The following TRMT6 variants were observed in gnomAD, a reference collection of about 807,000 sequenced individuals.
The protein encoded by TRMT6 is tRNA methyltransferase 6 non-catalytic subunit.
In TRMT6, 34 loss-of-function variants were observed where a neutral mutation model predicts 59.0. The ratio of observed to expected loss-of-function variants is 0.58; its 90% CI spans 0.44 to 0.77. The LOEUF is 0.77. TRMT6 is among the 30% of genes least tolerant of loss of function. The pLI is 0.00. For missense variants in TRMT6, 575 were observed against 604.5 expected (o/e 0.95, Z 0.51); for synonymous variants, 217 against 210.5 (o/e 1.03, Z -0.27).
intron 8 of TRMT6, 68 bp from the exon 9 acceptor site, chr20:5,941,413 A>G (rs2088654968): frequency 9.2e-7 from 1 of 1,088,410 alleles, no homozygotes; most frequent in Non-Finnish European, 1.4e-6. Flanking sequence ...TTTAAAATGC[A>G]TTTAAAATGA....
chr20:5,944,582 T>C (rs2088688691), intron 3 of TRMT6, among the ~76,000 whole-genome samples: 1 of 152,244 alleles, frequency 6.6e-6, no homozygotes, highest in Non-Finnish European at 1.5e-5. Flanking sequence ...GCACTGTTAT[T>C]ACATTCTCTA....
rs1373733398 is a variant in TRMT6 at position 5,941,983 on chromosome 20, A to G, written c.1080T>C (p.Ala360=). ...QEEQRKRHLE[A]AALLSERNAD... ...CGTTTCTTTCACTCAGCAGAGCGGC[A>G]GCCTCTAAATGTCTTTTCCTCTGCT... Residue 360 remains alanine (A), a synonymous_variant, in exon 8 of 11, where the codon GCT becomes GCC. Coordinates refer to ENST00000203001, the MANE Select transcript of TRMT6 (RefSeq NM_015939.5). The G allele has an allele frequency of 1.2e-6, 2 of 1,613,430 alleles. No homozygotes were observed. Among genetic ancestry groups the G allele is most frequent in the Non-Finnish European group, 1.7e-6 (2 of 1,180,038 alleles).
intron 10 of TRMT6, among the ~76,000 whole-genome samples, chr20:5,940,454 C>T (rs1600222106): frequency 6.6e-6 from 1 of 152,200 alleles, no homozygotes. Flanking sequence ...GAAATAAGAA[C>T]CATAATGGTT....
chr20:5,941,943 C>G lies in TRMT6; in HGVS notation c.1112+8G>C. 6.2e-7 allele frequency: 1 copy of G among 1,610,896 alleles called. No homozygotes were observed. The highest frequency in any genetic ancestry group is 1.1e-5 in the South Asian group (1 of 91,036). On this transcript the variant is annotated splice_region_variant and intron_variant, in intron 8 of 10. Coordinates refer to ENST00000203001, the MANE Select transcript of TRMT6 (RefSeq NM_015939.5). ...TGAGGAGTCTCCTGCCTTCTTCCAT[C>G]AACGCACCCATCTGCGTTTCTTTCA...
intron 4 of TRMT6, 21 bp from the exon 5 acceptor site, chr20:5,944,052 A>G: frequency 6.5e-7 from 1 of 1,533,480 alleles, no homozygotes; most frequent in Non-Finnish European, 8.8e-7. Context: ...AAAAAACAGA[A>G]CGCTGATTTA....
At chr20:5,946,678 G>C (rs1258279052) in intron 1 of TRMT6, 145 bp from the exon 2 acceptor site, 6 of 740,118 alleles carry the variant, frequency 8.1e-6, no homozygotes, top group Middle Eastern at 3.6e-4. Context: ...AAAGGAACTA[G>C]AGAGAACCTG....
intron 6 of TRMT6, 92 bp from the exon 7 acceptor site, chr20:5,942,878 G>A (rs1408350938): frequency 2.1e-6 from 2 of 960,636 alleles, no homozygotes; most frequent in East Asian, 2.4e-5. Flanking sequence ...GAGACTGAAG[G>A]TCTTTCTATT....
chr20:5,940,844 A>G (rs2122599008), intron 10 of TRMT6, among the ~76,000 whole-genome samples: 1 of 151,958 alleles, frequency 6.6e-6, no homozygotes, highest in South Asian at 2.1e-4. Context: ...TTTTTTTTGT[A>G]GAGACAGGGT....
At chr20:5,941,848 G>T (rs1215863661) in intron 8 of TRMT6, 103 bp downstream of exon 8, 1 of 989,832 alleles carries the variant, frequency 1.0e-6, no homozygotes. Flanking sequence ...CTCATCTCGG[G>T]TCCCACTAGA....
chr20:5,942,155 G>A lies in TRMT6; in HGVS notation c.1027-119C>T, dbSNP rs546592158. The A allele has an allele frequency of 8.4e-6, 8 of 947,798 alleles. No individual in the cohort carries two copies. The South Asian group carries it at 1.0e-4, about 12-fold the overall frequency. 58.7% of individuals were successfully genotyped at this position (947,798 alleles called of 1,614,324 possible). ...ATCAACTTGGACTAAACCAATAGAAGCAGGTTGTTTATAAGGAAGTTGCAA... is the reference window on the plus strand; with the variant it reads ...ATCAACTTGGACTAAACCAATAGAAACAGGTTGTTTATAAGGAAGTTGCAA... On this transcript the variant is annotated intron_variant, in intron 7 of 10. Coordinates refer to ENST00000203001, the MANE Select transcript of TRMT6 (RefSeq NM_015939.5).
At chr20:5,941,890 A>G in intron 8 of TRMT6, 61 bp downstream of exon 8, 1 of 1,358,946 alleles carries the variant, frequency 7.4e-7, no homozygotes, top group Non-Finnish European at 1.0e-6. Flanking sequence ...GAGAATGCCA[A>G]TCTGTCTGAA....
At position 5,943,592 on chromosome 20, in the gene TRMT6, A is replaced by C. The variant is rs1254178118; in HGVS notation, c.634T>G (p.Leu212Val). The change falls in exon 6 of 11, where the codon TTG (leucine) becomes GTG (valine). Residue 212 changes from leucine (L) to valine (V), a missense_variant. Leu to Val is a conservative substitution (Grantham distance 32). Coordinates refer to ENST00000203001, the MANE Select transcript of TRMT6 (RefSeq NM_015939.5). ...KMIVMETCAG[L>V]VLGAMMERMG... ...CGTTCCATCATTGCACCCAGCACCA[A>C]GCCTGCACACGTTTCCATCACAATC... The C allele has an allele frequency of 6.8e-6, 11 of 1,614,222 alleles. No individual in the cohort carries two copies. The highest frequency in any genetic ancestry group is 8.5e-6 in the Non-Finnish European group (10 of 1,180,042).
Position 5,944,149 on chromosome 20 carries a change from A to C in TRMT6, c.458+13T>G. 6.9e-7 allele frequency: 1 copy of C among 1,445,900 alleles called. No individual in the cohort carries two copies. Among genetic ancestry groups the C allele is most frequent in the Non-Finnish European group, 9.3e-7 (1 of 1,071,438 alleles). The allele number at this position is 1,445,900 out of a possible 1,614,324, so 89.6% of individuals were successfully genotyped here. On this transcript the variant is annotated intron_variant, in intron 4 of 10. Coordinates refer to ENST00000203001, the MANE Select transcript of TRMT6 (RefSeq NM_015939.5). Reference sequence around the variant, plus strand: ...TTTAATATTGTGGGCCTTTTAAAATAAAAACTACTTACTTTTTTTTCTTCT... The same window carrying C: ...TTTAATATTGTGGGCCTTTTAAAATCAAAACTACTTACTTTTTTTTCTTCT...
Position 5,938,601 on chromosome 20 carries a change from A to G in TRMT6, c.1428T>C (p.Thr476=). Residue 476 remains threonine, a synonymous_variant, in exon 11 of 11, where the codon ACT becomes ACC. Coordinates refer to ENST00000203001, the MANE Select transcript of TRMT6 (RefSeq NM_015939.5). The part of the protein sequence containing the change: ...ADTSLKSNAS[T]LESHETEEPA... ...GCTCCTCAGTCTCGTGTGATTCTAA[A>G]GTGCTTGCATTAGATTTGAGGCTGG... The G allele has an allele frequency of 6.2e-7, 1 of 1,614,236 alleles. No homozygotes were observed. The highest frequency in any genetic ancestry group is 8.5e-7 in the Non-Finnish European group (1 of 1,180,036).
Position 5,944,827 on chromosome 20 carries a change from T to A in TRMT6, c.344A>T (p.Lys115Met). Residue 115 changes from lysine (K) to methionine (M), a missense_variant, in exon 3 of 11, where the codon AAG (lysine) becomes ATG (methionine). By Grantham distance (95) the Lys-to-Met change is moderately conservative. Transcript: ENST00000203001. ...KLTQDDIKAL[K>M]DKGIKGEEIV... Reference sequence around the variant, plus strand: ...TACCTCTCCTTTAATGCCCTTGTCCTTCAAAGCTTTTATGTCATCTTGAGT... The same window carrying A: ...TACCTCTCCTTTAATGCCCTTGTCCATCAAAGCTTTTATGTCATCTTGAGT... 6.2e-7 allele frequency: 1 copy of A among 1,613,710 alleles called. No individual in the cohort carries two copies.
chr20:5,942,353 TA>T (rs772333181), intron 7 of TRMT6, 74 bp downstream of exon 7: 2 of 1,351,944 alleles, frequency 1.5e-6, no homozygotes, highest in Non-Finnish European at 2.1e-6. Context: ...AAAGCCAAAC[TA>T]AATCTCATGA....
intron 7 of TRMT6, 141 bp from the exon 8 acceptor site, chr20:5,942,177 G>A: frequency 3.8e-6 from 3 of 800,000 alleles, no homozygotes; most frequent in Non-Finnish European, 6.1e-6. Flanking sequence ...TAAGGAAGTT[G>A]CAAATACACA....
chr20:5,947,082 G>T (rs757852040), intron 1 of TRMT6, among the ~76,000 whole-genome samples: 34 of 152,276 alleles, frequency 2.2e-4, no homozygotes, highest in Non-Finnish European at 4.6e-4. Context: ...CACACTTTTT[G>T]ATTTAATTCT....
At chr20:5,946,255 T>C (rs1291980812) in intron 2 of TRMT6, 151 bp downstream of exon 2, 24 of 907,730 alleles carry the variant, frequency 2.6e-5, no homozygotes, top group Non-Finnish European at 3.5e-5. Context: ...AAGGCAGTAC[T>C]TGCTTCACTC....
Sources: gnomAD v4.1 joint callset for allele counts (sites outside exome capture counted in the v4.1 genomes callset) on GRCh38, gnomAD v4.1.1 for gene constraint, MANE v1.5 for transcripts, NCBI Gene and HGNC (gene_info 2026-07-23, HGNC 2026-07-21) for gene names.